Variants in EGFLAM observed in about 807,000 individuals in gnomAD.
EGFLAM encodes the protein EGF like, fibronectin type III and laminin G domains, also known as pikachurin.
A neutral mutation model predicts 113.1 loss-of-function variants in EGFLAM; 79 were observed. That is an observed-to-expected ratio of 0.70 (90% CI 0.58 to 0.84). The LOEUF (loss-of-function observed/expected upper bound fraction) is 0.84, where lower values mean the gene tolerates loss of function less well. EGFLAM is among the 40% of genes least tolerant of loss of function. EGFLAM has a pLI of 0.00. For synonymous variants in EGFLAM, 504 were observed against 487.6 expected (o/e 1.03, Z -0.44); for missense variants, 1,265 against 1,291.6 (o/e 0.98, Z 0.32).
chr5:38,277,707 G>A (rs1322829849), intron 1 of EGFLAM, among the ~76,000 whole-genome samples: 1 of 152,132 alleles, frequency 6.6e-6, no homozygotes, highest in African/African-American at 2.4e-5. Flanking sequence ...AATCAGTAAA[G>A]TTGCAGGATA....
At chr5:38,346,302 T>A (rs1739471044) in intron 3 of EGFLAM, among the ~76,000 whole-genome samples, 1 of 152,268 alleles carries the variant, frequency 6.6e-6, no homozygotes, top group Non-Finnish European at 1.5e-5. Flanking sequence ...ATGGTAAATA[T>A]TGTTTGTTGT....
intron 16 of EGFLAM, among the ~76,000 whole-genome samples, chr5:38,435,503 A>G (rs1348894500): frequency 2.0e-5 from 3 of 152,176 alleles, no homozygotes; most frequent in Non-Finnish European, 4.4e-5. Context: ...TTTTATGGCA[A>G]ATCTACCAAA....
chr5:38,314,778 T>C (rs1189353883), intron 1 of EGFLAM, among the ~76,000 whole-genome samples: 1 of 152,208 alleles, frequency 6.6e-6, no homozygotes, highest in Admixed American at 6.5e-5. Flanking sequence ...TATGACTGTC[T>C]CTGGTCAATG....
At chr5:38,293,229 A>G (rs1758376244) in intron 1 of EGFLAM, among the ~76,000 whole-genome samples, 1 of 152,214 alleles carries the variant, frequency 6.6e-6, no homozygotes, top group South Asian at 2.1e-4. Flanking sequence ...ATAGGATTTG[A>G]ATCAGAAAAC....
rs753613794 is a variant in EGFLAM, at chr5:38,409,076, G to A, written c.1321G>A (p.Ala441Thr). ...EHGRGDFMSL[A>T]IIRRSLQFRF... is the part of the protein sequence containing the mutation. ...CGGGAGGGGGGATTTCATGTCCCTGGCTATCATCCGACGCTCCCTGCAGTT... is the reference window on the plus strand; with the variant it reads ...CGGGAGGGGGGATTTCATGTCCCTGACTATCATCCGACGCTCCCTGCAGTT... The change falls in exon 10 of 22, where the codon GCT (alanine) becomes ACT (threonine). Residue 441 changes from alanine to threonine, a missense_variant. Ala to Thr is a moderately conservative substitution (Grantham distance 58). Coordinates refer to ENST00000322350, the MANE Select transcript of EGFLAM (RefSeq NM_152403.4). The A allele has an allele frequency of 1.1e-5, 17 of 1,588,958 alleles. 1 individual carries two copies. The South Asian group carries it at 1.8e-4, about 17-fold the overall frequency.
At chr5:38,326,425 G>A (rs1172523490) in intron 1 of EGFLAM, among the ~76,000 whole-genome samples, 1 of 152,162 alleles carries the variant, frequency 6.6e-6, no homozygotes, top group Admixed American at 6.5e-5. Context: ...ACTGTCCACT[G>A]ACAATTCCCT....
At chr5:38,437,167 G>C (rs1742377336) in intron 16 of EGFLAM, among the ~76,000 whole-genome samples, 1 of 152,196 alleles carries the variant, frequency 6.6e-6, no homozygotes, top group Admixed American at 6.5e-5. Flanking sequence ...TCACATTGCA[G>C]GGCAGAAGGT....
chr5:38,435,015 C>A, intron 15 of EGFLAM, 122 bp from the exon 16 acceptor site: 1 of 733,344 alleles, frequency 1.4e-6, no homozygotes, highest in Non-Finnish European at 2.3e-6. Context: ...GACAGATTGT[C>A]ATGATGGGTC....
intron 17 of EGFLAM, among the ~76,000 whole-genome samples, chr5:38,447,494 C>T (rs550132906): frequency 2.0e-5 from 3 of 152,244 alleles, no homozygotes; most frequent in East Asian, 3.9e-4. Flanking sequence ...GTGGCTCATG[C>T]CTGTAATTCC....
rs945008081 is a variant in EGFLAM, at chr5:38,350,654, C to T, written c.409+36C>T. On this transcript the variant is annotated intron_variant, in intron 4 of 21. Coordinates refer to ENST00000322350, the MANE Select transcript of EGFLAM (RefSeq NM_152403.4). The stretch of plus-strand genomic sequence containing the variant: ...TTCAAATTCATTAATAGGTGGCAGG[C>T]TGCTATCCATGCATCCTTCATTCAG... 4 of 1,580,448 alleles carry T rather than the reference C, an allele frequency of 2.5e-6. No homozygotes were observed. In the African/African-American group the frequency reaches 5.4e-5, roughly 21 times the overall value.
intron 5 of EGFLAM, among the ~76,000 whole-genome samples, chr5:38,358,216 T>C (rs1739814746): frequency 1.3e-5 from 2 of 151,002 alleles, no homozygotes; most frequent in African/African-American, 4.9e-5. Flanking sequence ...GAGGCCGAGG[T>C]GGGTGGATCA....
chr5:38,384,566 C>T (rs989075990), intron 6 of EGFLAM, among the ~76,000 whole-genome samples: 21 of 152,292 alleles, frequency 1.4e-4, no homozygotes, highest in African/African-American at 4.8e-4. Context: ...CTCAGGAACA[C>T]TTTCTGACCG....
At chr5:38,288,152 T>A (rs560309883) in intron 1 of EGFLAM, among the ~76,000 whole-genome samples, 25 of 152,338 alleles carry the variant, frequency 1.6e-4, no homozygotes, top group African/African-American at 6.0e-4. Context: ...TTTTTATTAA[T>A]GTAGTTTTAT....
At chr5:38,445,827 C>T in intron 17 of EGFLAM, 1 of 1,065,722 alleles carries the variant, frequency 9.4e-7, no homozygotes, top group Admixed American at 1.7e-5. Context: ...GGTGGGAAGC[C>T]TCCCCGCCGG....
intron 1 of EGFLAM, among the ~76,000 whole-genome samples, chr5:38,270,669 A>C (rs1757744061): frequency 6.6e-6 from 1 of 152,216 alleles, no homozygotes; most frequent in Admixed American, 6.5e-5. Context: ...GTCTGATTCC[A>C]GATAGAGTAG....
At chr5:38,409,946 C>A (rs748943395) in intron 10 of EGFLAM, among the ~76,000 whole-genome samples, 1 of 152,078 alleles carries the variant, frequency 6.6e-6, no homozygotes, top group Admixed American at 6.6e-5. Context: ...GAACAACCAA[C>A]GGGCACCAGC....
chr5:38,440,613 G>T (rs1256318743), intron 17 of EGFLAM, among the ~76,000 whole-genome samples: 4 of 152,192 alleles, frequency 2.6e-5, no homozygotes, highest in Admixed American at 2.6e-4. Context: ...ATGGTGAGAA[G>T]CCATCCTTGG....
chr5:38,335,426 C>A (rs1258680491), intron 1 of EGFLAM, among the ~76,000 whole-genome samples: 1 of 152,166 alleles, frequency 6.6e-6, no homozygotes, highest in Non-Finnish European at 1.5e-5. Flanking sequence ...TTCTATGATC[C>A]TATCCTCCTG....
At chr5:38,426,395 A>G (rs747148345) in intron 13 of EGFLAM, among the ~76,000 whole-genome samples, 1 of 152,188 alleles carries the variant, frequency 6.6e-6, no homozygotes, top group Non-Finnish European at 1.5e-5. Flanking sequence ...TTTTTGCAGA[A>G]TTCTGAAATT....
Sources: allele counts gnomAD v4.1 joint callset (sites outside exome capture counted in the v4.1 genomes callset), GRCh38; gene constraint gnomAD v4.1.1; transcripts MANE v1.5; gene names NCBI Gene and HGNC (gene_info 2026-07-23, HGNC 2026-07-21).